The following GAPVD1 variants were observed in gnomAD, a reference collection of about 807,000 sequenced individuals.
GAPVD1 encodes GTPase-activating protein and VPS9 domain-containing protein 1.
GAPVD1 carries 35 observed loss-of-function variants against 155.5 expected under a neutral mutation model. That is an observed-to-expected ratio of 0.23 (90% CI 0.17 to 0.30). The LOEUF is 0.30. GAPVD1 is among the 10% of genes least tolerant of loss of function. GAPVD1 has a pLI of 1.00. For synonymous variants in GAPVD1, 636 were observed against 619.7 expected (o/e 1.03, Z -0.39); for missense variants, 1,429 against 1,775.7 (o/e 0.80, Z 3.51).
chr9:125,312,821 T>C (rs913920781), intron 9 of GAPVD1, among the ~76,000 whole-genome samples: 2 of 152,146 alleles, frequency 1.3e-5, no homozygotes, highest in Non-Finnish European at 2.9e-5. Context: ...GCTGTGTCTT[T>C]GGGCTTATTT....
intron 12 of GAPVD1, among the ~76,000 whole-genome samples, chr9:125,328,896 G>T (rs1358399635): frequency 6.6e-6 from 1 of 152,220 alleles, no homozygotes; most frequent in Non-Finnish European, 1.5e-5. Context: ...ACCTCGGGAG[G>T]CCGAGGCTGG....
intron 2 of GAPVD1, among the ~76,000 whole-genome samples, chr9:125,270,045 C>G (rs1466181133): frequency 6.6e-6 from 1 of 151,916 alleles, no homozygotes; most frequent in African/African-American, 2.4e-5. Context: ...GGAACTAGGA[C>G]CAATAATTTT....
intron 1 of GAPVD1, 62 bp from the exon 2 acceptor site, chr9:125,268,874 A>G (rs1834424766): frequency 6.6e-6 from 1 of 151,966 alleles, no homozygotes; most frequent in African/African-American, 2.4e-5. Flanking sequence ...GAAAGTAGGT[A>G]CATTCCAGTG....
At chr9:125,264,718 ATT>A (rs749792737) in intron 1 of GAPVD1, among the ~76,000 whole-genome samples, 1 of 136,596 alleles carries the variant, frequency 7.3e-6, no homozygotes, top group Non-Finnish European at 1.6e-5. Flanking sequence ...ATGGAGGTGG[ATT>A]TTTTTTTTTT....
intron 1 of GAPVD1, chr9:125,263,422 C>T (rs931662839): frequency 1.6e-5 from 8 of 490,744 alleles, no homozygotes; most frequent in African/African-American, 1.4e-4. Flanking sequence ...GCACTCCAGC[C>T]TGGCAACAGA....
rs781013665 is a variant in GAPVD1, at chr9:125,302,790, T to C, written c.993T>C (p.Ala331=). The C allele has an allele frequency of 1.9e-6, 3 of 1,610,508 alleles. No individual in the cohort carries two copies. The highest frequency in any genetic ancestry group is 2.5e-6 in the Non-Finnish European group (3 of 1,178,384). ...AACAATATGGAATAATTTCCGATGC[T>C]CCTATTAATGAAGTAGCACGATTTA... ...NPEQYGIISD[A]PINEVARFNL... Residue 331 remains alanine (A), a synonymous_variant, in exon 5 of 28, where the codon GCT becomes GCC. Coordinates refer to ENST00000297933, the MANE Select transcript of GAPVD1 (RefSeq NM_001282680.3).
chr9:125,286,945 G>A (rs1191040520), intron 2 of GAPVD1, among the ~76,000 whole-genome samples: 1 of 151,994 alleles, frequency 6.6e-6, no homozygotes, highest in South Asian at 2.1e-4. Context: ...TTAGCTGGAC[G>A]TGGTCGGGGG....
intron 2 of GAPVD1, among the ~76,000 whole-genome samples, chr9:125,286,302 CT>C (rs1327217877): frequency 7.2e-6 from 1 of 139,170 alleles, no homozygotes; most frequent in Non-Finnish European, 1.5e-5. Context: ...TTGTTGTTTT[CT>C]TTGTTTTTTA....
intron 27 of GAPVD1, 83 bp from the exon 28 acceptor site, chr9:125,362,523 G>T: frequency 9.0e-7 from 1 of 1,110,328 alleles, no homozygotes; most frequent in South Asian, 1.8e-5. Context: ...TTTCATAGAA[G>T]AACATTCGAA....
intron 2 of GAPVD1, among the ~76,000 whole-genome samples, chr9:125,280,361 G>A (rs1190803766): frequency 1.8e-4 from 24 of 130,122 alleles, no homozygotes; most frequent in African/African-American, 6.1e-4. Flanking sequence ...GCGCCATTGC[G>A]CTCCAGCTTG....
chr9:125,323,763 TAAA>T (rs768941829), intron 10 of GAPVD1, 32 bp from the exon 11 acceptor site: 1 of 1,611,032 alleles, frequency 6.2e-7, no homozygotes, highest in Non-Finnish European at 8.5e-7. Context: ...ATGACTGTTT[TAAA>T]AAGATTGCTC....
chr9:125,325,446 C>T (rs1223637333), intron 11 of GAPVD1, among the ~76,000 whole-genome samples: 9 of 136,338 alleles, frequency 6.6e-5, no homozygotes, highest in African/African-American at 2.2e-4. Context: ...GGCCTGAACC[C>T]GGGAGGCAGA....
intron 9 of GAPVD1, among the ~76,000 whole-genome samples, chr9:125,314,522 C>T (rs1214666857): frequency 4.6e-5 from 7 of 151,752 alleles, no homozygotes; most frequent in South Asian, 2.1e-4. Context: ...GGTGTGGTGG[C>T]GCATGCCTGT....
rs146828132 is a variant in GAPVD1 at position 125,366,848 on chromosome 9, A to G, written c.*4102A>G. 381 of 152,348 alleles carry G rather than the reference A, an allele frequency of 2.5e-3. 4 individuals are homozygous for G. Among genetic ancestry groups the G allele is most frequent in the African/African-American group, 8.7e-3 (363 of 41,582 alleles). 9.4% of individuals were successfully genotyped at this position (152,348 alleles called of 1,614,324 possible). ...TTCCGTGTTAAGTTGTGGTTGAGCT[A>G]TGGAGTGACCCTGGAGCTGCCGCAT... On this transcript the variant is annotated 3_prime_UTR_variant, in exon 28 of 28. Coordinates refer to ENST00000297933, the MANE Select transcript of GAPVD1 (RefSeq NM_001282680.3).
At chr9:125,314,410 C>A (rs1843097182) in intron 9 of GAPVD1, among the ~76,000 whole-genome samples, 1 of 152,122 alleles carries the variant, frequency 6.6e-6, no homozygotes, top group Admixed American at 6.6e-5. Flanking sequence ...AATCCCAGCA[C>A]TTTGGGAGGC....
chr9:125,324,380 C>T (rs904342777), intron 11 of GAPVD1, among the ~76,000 whole-genome samples: 6 of 151,978 alleles, frequency 3.9e-5, no homozygotes, highest in South Asian at 4.2e-4. Context: ...CACCTGAGGT[C>T]GGGAGTTCAA....
rs1482936315 is a variant in GAPVD1, at chr9:125,363,743, T to C, written c.*997T>C. ...GACCAAGAATTCAGTGAATGTCATT[T>C]TTTAAAAAACTAATTTGTATTGTCT... On this transcript the variant is annotated 3_prime_UTR_variant, in exon 28 of 28. Coordinates refer to ENST00000297933, the MANE Select transcript of GAPVD1 (RefSeq NM_001282680.3). 2 of 152,662 alleles carry C rather than the reference T, an allele frequency of 1.3e-5. No homozygotes were observed. Among genetic ancestry groups the C allele is most frequent in the Non-Finnish European group, 2.9e-5 (2 of 68,044 alleles). 9.5% of individuals were successfully genotyped at this position (152,662 alleles called of 1,614,324 possible). A position where few individuals can be genotyped will look rare whatever the true frequency, so the allele number is the denominator to read the frequency against.
chr9:125,303,746 A>AAG (rs1841331718), intron 5 of GAPVD1, among the ~76,000 whole-genome samples: 1 of 149,160 alleles, frequency 6.7e-6, no homozygotes, highest in African/African-American at 2.5e-5. Flanking sequence ...GTTGCACTCC[A>AAG]GCCTGGGCAA....
At chr9:125,262,825 C>T (rs1332857270) in intron 1 of GAPVD1, among the ~76,000 whole-genome samples, 1 of 152,066 alleles carries the variant, frequency 6.6e-6, no homozygotes, top group Non-Finnish European at 1.5e-5. Context: ...TTATTATTTC[C>T]TTCAGTTACG....
Sources: allele counts gnomAD v4.1 joint callset (sites outside exome capture counted in the v4.1 genomes callset), GRCh38; gene constraint gnomAD v4.1.1; transcripts MANE v1.5; gene names NCBI Gene and HGNC (gene_info 2026-07-23, HGNC 2026-07-21).